Variants in MARK3 observed in about 807,000 individuals in gnomAD.
MARK3 encodes the protein microtubule affinity regulating kinase 3.
Under a neutral mutation model 90.1 loss-of-function variants are expected in MARK3, and 46 were observed. The observed-to-expected ratio is 0.51, with a 90% CI of 0.40 to 0.65. The LOEUF (loss-of-function observed/expected upper bound fraction) is 0.65. Among genes scored for constraint, MARK3 ranks in the 30% least tolerant of loss-of-function variants. The pLI is 0.00. For missense variants in MARK3, 818 were observed against 947.2 expected (o/e 0.86, Z 1.79); for synonymous variants, 321 against 332.6 (o/e 0.97, Z 0.38).
intron 1 of MARK3, among the ~76,000 whole-genome samples, chr14:103,387,681 C>G (rs529016288): frequency 2.0e-5 from 3 of 151,170 alleles, no homozygotes; most frequent in Admixed American, 1.3e-4. Context: ...TTAGTAGAGA[C>G]AGGGTTTCAC....
Position 103,451,909 on chromosome 14 carries a change from C to G in MARK3, c.347-9C>G. On this transcript the variant is annotated splice_polypyrimidine_tract_variant and intron_variant, in intron 4 of 17. Transcript: ENST00000429436. ...CTCTTTTTCTTCCGTGTCCTCTCCT[C>G]TCCCGCAGTGAAGTTATTCGAAGTC... 1 of 1,605,590 alleles carries G rather than the reference C, an allele frequency of 6.2e-7. No individual in the cohort carries two copies.
chr14:103,476,248 G>A (rs1377048411), intron 13 of MARK3, among the ~76,000 whole-genome samples: 2 of 152,162 alleles, frequency 1.3e-5, no homozygotes, highest in Admixed American at 6.5e-5. Flanking sequence ...CAGTGCAGAT[G>A]GAAGCCTACG....
At chr14:103,389,528 C>CAAAAAAAAAAAATA (rs2090070336) in intron 1 of MARK3, among the ~76,000 whole-genome samples, 1 of 49,864 alleles carries the variant, frequency 2.0e-5, no homozygotes, top group South Asian at 1.1e-3. Flanking sequence ...ACTCTGTCTC[C>CAAAAAAAAAAAATA]AAAAAAAAAA....
intron 1 of MARK3, among the ~76,000 whole-genome samples, chr14:103,400,651 C>T (rs2090895993): frequency 6.6e-6 from 1 of 152,192 alleles, no homozygotes; most frequent in Middle Eastern, 3.4e-3. Context: ...AATATCAGCA[C>T]TTTGGGAGAA....
At chr14:103,446,710 C>CTTTTTTTTTTTTTTTTTTTTT (rs746523547) in intron 3 of MARK3, among the ~76,000 whole-genome samples, 1 of 98,050 alleles carries the variant, frequency 1.0e-5, no homozygotes, top group African/African-American at 5.3e-5. Context: ...AGATTGTTGT[C>CTTTTTTTTTTTTTTTTTTTTT]TTTTTTTTTT....
intron 12 of MARK3, among the ~76,000 whole-genome samples, chr14:103,470,453 C>CAATTTTTTTTTTTTTTTTTTTTT (rs1299534465): frequency 3.0e-3 from 72 of 24,182 alleles, no homozygotes; most frequent in Non-Finnish European, 5.1e-3. Flanking sequence ...GGAACTAAAT[C>CAATTTTTTTTTTTTTTTTTTTTT]TATTTTTTTT....
At chr14:103,403,838 A>G (rs2091114291) in intron 1 of MARK3, among the ~76,000 whole-genome samples, 2 of 152,220 alleles carry the variant, frequency 1.3e-5, no homozygotes, top group South Asian at 4.1e-4. Context: ...CATTTTTGTT[A>G]GAGGAACAAT....
intron 1 of MARK3, chr14:103,386,449 G>C (rs1408647822): frequency 1.3e-5 from 7 of 552,572 alleles, no homozygotes; most frequent in African/African-American, 5.6e-5. Context: ...CTTTTAACTT[G>C]GTCAGGCAGT....
At chr14:103,446,900 T>G (rs1246058114) in intron 3 of MARK3, among the ~76,000 whole-genome samples, 1 of 150,906 alleles carries the variant, frequency 6.6e-6, no homozygotes, top group Non-Finnish European at 1.5e-5. Context: ...GATTTCTGTG[T>G]TAGTTTAACA....
intron 14 of MARK3, among the ~76,000 whole-genome samples, chr14:103,481,860 G>A (rs912612300): frequency 2.2e-5 from 3 of 133,760 alleles, no homozygotes; most frequent in South Asian, 2.5e-4. Flanking sequence ...TCCGCCTCCC[G>A]GGTTCACGCC....
intron 12 of MARK3, among the ~76,000 whole-genome samples, chr14:103,468,441 C>T (rs562647883): frequency 6.7e-6 from 1 of 148,794 alleles, no homozygotes; most frequent in East Asian, 2.1e-4. Flanking sequence ...TCTCCTGCCT[C>T]AGCCTCCTGA....
chr14:103,463,649 C>A (rs1242205687), intron 7 of MARK3, among the ~76,000 whole-genome samples: 1 of 152,170 alleles, frequency 6.6e-6, no homozygotes, highest in African/African-American at 2.4e-5. Context: ...CAAGGCCAGA[C>A]CACCATTATC....
In MARK3 at chr14:103,466,342, G is replaced by A. The variant is rs2093501953; in HGVS notation, c.898-1G>A. ...GCTAATGAACAGTTTACCTTTTTTA[G>A]CAAATCATGAAGGACAGGTGGATCA... is the stretch of plus-strand genomic sequence containing the variant. On this transcript the variant is annotated splice_acceptor_variant, in intron 9 of 17. Transcript: ENST00000429436. LOFTEE classifies it high-confidence loss of function. 6.2e-7 allele frequency: 1 copy of A among 1,603,914 alleles called. No individual in the cohort carries two copies. Among genetic ancestry groups the A allele is most frequent in the Non-Finnish European group, 8.5e-7 (1 of 1,174,012 alleles).
At chr14:103,429,180 A>T (rs555399041) in intron 3 of MARK3, 3 of 152,266 alleles carry the variant, frequency 2.0e-5, no homozygotes, top group African/African-American at 7.2e-5. Context: ...TACATACTTC[A>T]TTTGATTTCT....
chr14:103,433,344 C>G (rs555634810), intron 3 of MARK3, among the ~76,000 whole-genome samples: 1 of 152,134 alleles, frequency 6.6e-6, no homozygotes, highest in East Asian at 2.0e-4. Flanking sequence ...GCCTCAGCCT[C>G]CCAAAGTGCT....
chr14:103,465,906 TTG>T, intron 8 of MARK3, 64 bp from the exon 9 acceptor site: 2 of 1,575,798 alleles, frequency 1.3e-6, no homozygotes, highest in Non-Finnish European at 1.7e-6. Flanking sequence ...GGGTTTTTTG[TTG>T]TGTTTTGTTA....
At position 103,491,936 on chromosome 14, in the gene MARK3, C is replaced by A. The variant is rs1359962468; in HGVS notation, c.1746C>A (p.Ala582=). The change falls in exon 15 of 18, where the codon GCC becomes GCA. Residue 582 remains alanine, a synonymous_variant. Coordinates refer to ENST00000429436, the MANE Select transcript of MARK3 (RefSeq NM_001128918.3). ...RRTATYNGPP[A]SPSLSHEATP... is the part of the protein sequence containing the mutation. ...CCGCAACATATAATGGCCCTCCTGCCTCTCCCAGCCTGTCCCATGAAGCCA... is the reference window on the plus strand; with the variant it reads ...CCGCAACATATAATGGCCCTCCTGCATCTCCCAGCCTGTCCCATGAAGCCA... 6.2e-7 allele frequency: 1 copy of A among 1,614,188 alleles called. No homozygotes were observed. Among genetic ancestry groups the A allele is most frequent in the Admixed American group, 1.7e-5 (1 of 60,016 alleles).
chr14:103,426,463 G>A (rs191805539), intron 2 of MARK3, among the ~76,000 whole-genome samples: 151 of 152,188 alleles, frequency 9.9e-4, no homozygotes, highest in African/African-American at 3.4e-3. Flanking sequence ...TTCTTCAGGG[G>A]TGGGTCTTCT....
chr14:103,407,722 G>A (rs12434572), intron 2 of MARK3, among the ~76,000 whole-genome samples: 4 of 151,564 alleles, frequency 2.6e-5, no homozygotes, highest in Admixed American at 2.6e-4. Context: ...CACCATGCCC[G>A]GCTAATTTTT....
Sources: gnomAD v4.1 joint callset for allele counts (sites outside exome capture counted in the v4.1 genomes callset) on GRCh38, gnomAD v4.1.1 for gene constraint, MANE v1.5 for transcripts, NCBI Gene and HGNC (gene_info 2026-07-23, HGNC 2026-07-21) for gene names.